Variants in EXOC5 observed in about 807,000 individuals in gnomAD.
EXOC5 encodes the protein exocyst complex component 5, also known as SEC10-like 1.
A neutral mutation model predicts 90.8 loss-of-function variants in EXOC5; 17 were observed. The ratio of observed to expected loss-of-function variants is 0.19; its 90% CI spans 0.13 to 0.28. The LOEUF (loss-of-function observed/expected upper bound fraction) is 0.28, where lower values mean the gene tolerates loss of function less well. Ranked by LOEUF, EXOC5 falls within the 10% of genes least tolerant of loss-of-function variation. EXOC5 has a pLI of 1.00. For missense variants in EXOC5, 569 were observed against 830.6 expected (o/e 0.69, Z 3.87); for synonymous variants, 260 against 270.0 (o/e 0.96, Z 0.36).
chr14:57,250,522 T>C lies in EXOC5; in HGVS notation c.28-2810A>G, dbSNP rs112499475. Among the ~76,000 whole-genome samples the C allele has an allele frequency of 2.4e-3, 361 of 152,274 alleles. 2 individuals are homozygous for C. Among genetic ancestry groups the C allele is most frequent in the African/African-American group, 8.3e-3 (346 of 41,560 alleles). ...CAAATATTTTGAAGTCTATTGGATA[T>C]ACGGTGCTAGTTGGCACTGGCACCT... On this transcript the variant is annotated intron_variant, in intron 1 of 17. Transcript: ENST00000621441.
At chr14:57,236,972 T>C in intron 6 of EXOC5, among the ~76,000 whole-genome samples, 1 of 151,732 alleles carries the variant, frequency 6.6e-6, no homozygotes, top group South Asian at 2.1e-4. Flanking sequence ...ATTTCCAAAA[T>C]GCACTATTAA....
chr14:57,256,233 G>A (rs551356199), intron 1 of EXOC5, among the ~76,000 whole-genome samples: 12 of 152,142 alleles, frequency 7.9e-5, no homozygotes, highest in Non-Finnish European at 1.6e-4. Flanking sequence ...TGGGGGCAGA[G>A]AGCAGTATGT....
intron 1 of EXOC5, among the ~76,000 whole-genome samples, chr14:57,249,558 ATAT>A (rs1338437298): frequency 1.3e-5 from 2 of 152,166 alleles, no homozygotes; most frequent in Non-Finnish European, 2.9e-5. Context: ...CATTCAGCAA[ATAT>A]TAATTGAGGA....
Position 57,227,086 on chromosome 14 carries a change from T to C in EXOC5, c.1296+2648A>G, listed in dbSNP as rs1487910704. ...TCATATCTGATAAATTGTAACAATATAGAGTGCTCCAAAAATAAAACACAC... is the reference window on the plus strand; with the variant it reads ...TCATATCTGATAAATTGTAACAATACAGAGTGCTCCAAAAATAAAACACAC... On this transcript the variant is annotated intron_variant, in intron 12 of 17. Transcript: ENST00000621441. Among the ~76,000 whole-genome samples the C allele has an allele frequency of 7.9e-5, 12 of 152,104 alleles. No individual in the cohort carries two copies. In the South Asian group the frequency reaches 2.3e-3, roughly 29 times the overall value.
At chr14:57,219,524 T>G in intron 13 of EXOC5, 82 bp from the exon 14 acceptor site, 1 of 1,093,408 alleles carries the variant, frequency 9.1e-7, no homozygotes, top group Non-Finnish European at 1.3e-6. Flanking sequence ...TGTGGTTTTT[T>G]AATCTGTAAC....
chr14:57,258,430 A>G lies in EXOC5; in HGVS notation c.27+10192T>C, dbSNP rs527389429. Among the ~76,000 whole-genome samples, 4 of 152,318 alleles carry G rather than the reference A, an allele frequency of 2.6e-5. No individual in the cohort carries two copies. The South Asian group carries it at 6.2e-4, about 24-fold the overall frequency. On this transcript the variant is annotated intron_variant, in intron 1 of 17. Coordinates refer to ENST00000621441, the MANE Select transcript of EXOC5 (RefSeq NM_006544.4). ...GATGAAACTGGAAACCATCATTCTCAGCAAACTCACACAGGAACAGAAAAC... is the reference window on the plus strand; with the variant it reads ...GATGAAACTGGAAACCATCATTCTCGGCAAACTCACACAGGAACAGAAAAC...
At chr14:57,246,320 C>G (rs1166007938) in intron 3 of EXOC5, among the ~76,000 whole-genome samples, 1 of 152,214 alleles carries the variant, frequency 6.6e-6, no homozygotes, top group African/African-American at 2.4e-5. Context: ...CAGACAATAG[C>G]TGCTTTCATA....
chr14:57,236,512 C>G (rs1183743913), intron 6 of EXOC5, among the ~76,000 whole-genome samples: 1 of 151,984 alleles, frequency 6.6e-6, no homozygotes, highest in Non-Finnish European at 1.5e-5. Context: ...TCTCGAACTC[C>G]TGACCTCAGG....
chr14:57,219,769 T>C (rs996653477), intron 13 of EXOC5, among the ~76,000 whole-genome samples: 2 of 152,126 alleles, frequency 1.3e-5, no homozygotes, highest in Non-Finnish European at 2.9e-5. Flanking sequence ...CTCATTGGTC[T>C]TCCTCATTCA....
intron 4 of EXOC5, among the ~76,000 whole-genome samples, chr14:57,240,497 G>A (rs188815728): frequency 5.3e-5 from 8 of 152,114 alleles, no homozygotes; most frequent in South Asian, 4.2e-4. Flanking sequence ...GGTCAGGCTG[G>A]TCTTGAACTC....
chr14:57,245,595 T>G (rs913604371), intron 3 of EXOC5, among the ~76,000 whole-genome samples: 3 of 152,186 alleles, frequency 2.0e-5, no homozygotes, highest in Admixed American at 1.3e-4. Context: ...AATGCATTCC[T>G]TATCTTAAAT....
intron 12 of EXOC5, among the ~76,000 whole-genome samples, chr14:57,223,739 C>A (rs979355766): frequency 6.6e-6 from 1 of 151,948 alleles, no homozygotes; most frequent in Admixed American, 6.6e-5. Flanking sequence ...TTATACAATA[C>A]TCCATCCAAC....
rs528521902 is a variant in EXOC5, at chr14:57,206,426, T to C, written c.*2183A>G. On this transcript the variant is annotated 3_prime_UTR_variant, in exon 18 of 18. Transcript: ENST00000621441. ...AGAAAGACCATCTGTTTAGGATAAA[T>C]TTCTAGTCTTGTTTATATAGTCAAG... The C allele has an allele frequency of 6.5e-6, 1 of 152,976 alleles. No homozygotes were observed. The highest frequency in any genetic ancestry group is 2.4e-5 in the African/African-American group (1 of 41,426). 9.5% of individuals were successfully genotyped at this position (152,976 alleles called of 1,614,324 possible).
At chr14:57,235,608 GA>G in intron 7 of EXOC5, 102 bp downstream of exon 7, 1 of 620,756 alleles carries the variant, frequency 1.6e-6, no homozygotes, top group Non-Finnish European at 2.9e-6. Context: ...TTATCACTGT[GA>G]TAGTTACATA....
chr14:57,247,559 A>G, intron 2 of EXOC5, 59 bp downstream of exon 2: 1 of 743,058 alleles, frequency 1.3e-6, no homozygotes, highest in Non-Finnish European at 2.2e-6. Flanking sequence ...AGTCATCTCT[A>G]TTCTAACACT....
At chr14:57,262,848 A>G (rs953755002) in intron 1 of EXOC5, among the ~76,000 whole-genome samples, 2 of 151,404 alleles carry the variant, frequency 1.3e-5, no homozygotes, top group African/African-American at 4.9e-5. Flanking sequence ...CTACTTTTCA[A>G]AGTTTACAAA....
At chr14:57,225,507 C>T (rs1189660459) in intron 12 of EXOC5, among the ~76,000 whole-genome samples, 2 of 149,890 alleles carry the variant, frequency 1.3e-5, no homozygotes, top group East Asian at 3.9e-4. Context: ...AAATAAAAGA[C>T]ATCTATATTG....
chr14:57,212,363 A>G (rs528806651), intron 15 of EXOC5, among the ~76,000 whole-genome samples: 50 of 152,216 alleles, frequency 3.3e-4, no homozygotes, highest in Non-Finnish European at 6.6e-4. Context: ...ATCAGAAAAG[A>G]CATCCCTGGT....
chr14:57,222,785 A>G (rs1214909258), intron 12 of EXOC5, among the ~76,000 whole-genome samples: 2 of 150,554 alleles, frequency 1.3e-5, no homozygotes, highest in Non-Finnish European at 3.0e-5. Flanking sequence ...ATATATGTAT[A>G]CACACACACA....
Sources: gnomAD v4.1 joint callset for allele counts (sites outside exome capture counted in the v4.1 genomes callset) on GRCh38, gnomAD v4.1.1 for gene constraint, MANE v1.5 for transcripts, NCBI Gene and HGNC (gene_info 2026-07-23, HGNC 2026-07-21) for gene names.